Variants in WLS observed in about 807,000 individuals in gnomAD.
WLS encodes the protein Wnt ligand secretion mediator.
A neutral mutation model predicts 62.8 loss-of-function variants in WLS; 23 were observed. That is an observed-to-expected ratio of 0.37 (90% CI 0.26 to 0.52). The LOEUF (loss-of-function observed/expected upper bound fraction) is 0.52. Among genes scored for constraint, WLS ranks in the 20% least tolerant of loss-of-function variants. WLS has a pLI of 0.92. For synonymous variants in WLS, 246 were observed against 244.1 expected (o/e 1.01, Z -0.07); for missense variants, 615 against 697.3 (o/e 0.88, Z 1.33).
chr1:68,218,987 A>T (rs1271798779), intron 1 of WLS, among the ~76,000 whole-genome samples: 1 of 152,242 alleles, frequency 6.6e-6, no homozygotes, highest in Admixed American at 6.5e-5. Context: ...TTTATAGAAA[A>T]TTAAGCAAAC....
intron 2 of WLS, among the ~76,000 whole-genome samples, chr1:68,188,702 A>C (rs1261029767): frequency 6.6e-6 from 1 of 152,222 alleles, no homozygotes; most frequent in Non-Finnish European, 1.5e-5. Flanking sequence ...GAATCACAAG[A>C]GAGGAAGAGG....
At position 68,162,380 on chromosome 1, in the gene WLS, A is replaced by T. The variant is rs547969508; in HGVS notation, c.380-3133T>A. ...TTGAGATTGCAGTGCAAGGAGACGC[A>T]GTCGCTCTGATACAGCAAATCCTAC... On this transcript the variant is annotated intron_variant, in intron 2 of 11. Coordinates refer to ENST00000262348, the MANE Select transcript of WLS (RefSeq NM_024911.7). 145 of 1,613,938 alleles carry T rather than the reference A, an allele frequency of 9.0e-5. No homozygotes were observed. The African/African-American group carries it at 1.8e-3, about 20-fold the overall frequency.
At chr1:68,210,581 G>A (rs941897699) in intron 1 of WLS, among the ~76,000 whole-genome samples, 2 of 152,172 alleles carry the variant, frequency 1.3e-5, no homozygotes, top group Non-Finnish European at 2.9e-5. Flanking sequence ...TAACAGGAAG[G>A]TCATCTCTCT....
At chr1:68,123,792 T>G (rs1646391843), downstream of WLS, among the ~76,000 whole-genome samples, 1 of 152,128 alleles carries the variant, frequency 6.6e-6, no homozygotes. Context: ...AAGAACTGGA[T>G]AAAGACTCAG....
chr1:68,180,532 C>T (rs980025572), intron 2 of WLS, among the ~76,000 whole-genome samples: 4 of 152,090 alleles, frequency 2.6e-5, no homozygotes, highest in African/African-American at 9.7e-5. Flanking sequence ...GGCTCCTATT[C>T]CCATTATCTC....
chr1:68,137,790 G>A lies in WLS; in HGVS notation c.1506C>T (p.Asp502=). 5 of 1,613,708 alleles carry A rather than the reference G, an allele frequency of 3.1e-6. No individual in the cohort carries two copies. The highest frequency in any genetic ancestry group is 3.3e-4 in the Middle Eastern group (2 of 6,056). ...GAGACAGAAACTCACCATTGGACTG[G>A]TCTTCTCCATAGTTTTTATGGGATG... ...YAPSHKNYGE[D]QSNGDLGVHS... Residue 502 remains aspartate, a synonymous_variant, in exon 11 of 12, where the codon GAC becomes GAT. Transcript: ENST00000262348.
At chr1:68,165,231 G>C (rs1336310185) in intron 2 of WLS, among the ~76,000 whole-genome samples, 1 of 152,196 alleles carries the variant, frequency 6.6e-6, no homozygotes, top group East Asian at 1.9e-4. Flanking sequence ...ATAGGGTTCA[G>C]AGCAACACTA....
intron 11 of WLS, among the ~76,000 whole-genome samples, chr1:68,111,611 T>C (rs951920612): frequency 1.1e-4 from 17 of 152,204 alleles, no homozygotes; most frequent in African/African-American, 3.9e-4. Context: ...GTGCCCCTAT[T>C]GAGAAACATC....
chr1:68,123,142 A>G (rs1646384223), downstream of WLS, among the ~76,000 whole-genome samples: 1 of 152,148 alleles, frequency 6.6e-6, no homozygotes. Context: ...TTCTCGGAGC[A>G]ACCATTTTAC....
Position 68,174,780 on chromosome 1 carries a change from C to T in WLS, c.380-15533G>A, listed in dbSNP as rs539548655. On this transcript the variant is annotated intron_variant, in intron 2 of 11. Coordinates refer to ENST00000262348, the MANE Select transcript of WLS (RefSeq NM_024911.7). ...ACACACCTGCCCCGAATGCCATCTC[C>T]TCCCTCAGCCCTTGGCTTCTCCTAT... 2.0e-5 allele frequency among the ~76,000 whole-genome samples: 3 copies of T among 152,336 alleles called. No individual in the cohort carries two copies. In the South Asian group the frequency reaches 6.2e-4, roughly 32 times the overall value.
At chr1:68,175,875 T>C (rs1441196343) in intron 2 of WLS, among the ~76,000 whole-genome samples, 2 of 152,242 alleles carry the variant, frequency 1.3e-5, no homozygotes, top group East Asian at 1.9e-4. Context: ...GGAAAATACA[T>C]TTGTGCTGCC....
intron 1 of WLS, chr1:68,228,264 A>C (rs1650249420): frequency 4.5e-6 from 2 of 443,558 alleles, no homozygotes; most frequent in Non-Finnish European, 9.0e-6. Context: ...TGCTGAAAAC[A>C]ATGCAACAAT....
intron 1 of WLS, among the ~76,000 whole-genome samples, chr1:68,206,443 T>G (rs1213861517): frequency 6.6e-6 from 1 of 152,130 alleles, no homozygotes; most frequent in African/African-American, 2.4e-5. Context: ...CCTGTGTGAG[T>G]GGAGGTGCTC....
At chr1:68,167,308 C>T (rs988245610) in intron 2 of WLS, among the ~76,000 whole-genome samples, 19 of 152,270 alleles carry the variant, frequency 1.2e-4, no homozygotes, top group South Asian at 4.1e-4. Context: ...AACCCAGAAA[C>T]GGGAAAGCAC....
intron 1 of WLS, among the ~76,000 whole-genome samples, chr1:68,199,237 G>T (rs1462427685): frequency 6.6e-6 from 1 of 152,120 alleles, no homozygotes; most frequent in Non-Finnish European, 1.5e-5. Flanking sequence ...TATTATGCAG[G>T]TACCGTACTA....
intron 10 of WLS, among the ~76,000 whole-genome samples, chr1:68,144,291 A>T (rs972671038): frequency 2.0e-5 from 3 of 152,224 alleles, no homozygotes; most frequent in Non-Finnish European, 4.4e-5. Context: ...ACACGGCTTG[A>T]TAAGTTTTTC....
At chr1:68,217,684 G>C (rs950084116) in intron 1 of WLS, among the ~76,000 whole-genome samples, 5 of 152,134 alleles carry the variant, frequency 3.3e-5, no homozygotes, top group African/African-American at 1.2e-4. Context: ...AATTATTTTG[G>C]GAAGCATAAC....
intron 2 of WLS, 95 bp downstream of exon 2, chr1:68,193,860 T>C: frequency 6.7e-7 from 1 of 1,482,686 alleles, no homozygotes; most frequent in Non-Finnish European, 9.1e-7. Context: ...GCTATTACTA[T>C]TACCATTTTT....
rs759636141 is a variant in WLS at position 68,153,704 on chromosome 1, C to T, written c.667-51G>A. On this transcript the variant is annotated intron_variant, in intron 4 of 11. Coordinates refer to ENST00000262348, the MANE Select transcript of WLS (RefSeq NM_024911.7). ...GAAGGTGAATATTATCTTAGCATTT[C>T]CTTCTACTAGCAAATGCTTTTGTGG... 5.0e-6 allele frequency: 8 copies of T among 1,609,570 alleles called. No individual in the cohort carries two copies. The African/African-American group carries it at 1.1e-4, about 21-fold the overall frequency.
Sources: allele counts gnomAD v4.1 joint callset (sites outside exome capture counted in the v4.1 genomes callset), GRCh38; gene constraint gnomAD v4.1.1; transcripts MANE v1.5; gene names NCBI Gene and HGNC (gene_info 2026-07-23, HGNC 2026-07-21).